ARHGEF10L: variants seen among roughly 807,000 people sequenced by gnomAD.
ARHGEF10L encodes Rho guanine nucleotide exchange factor 10 like, also known as rho guanine nucleotide exchange factor 10-like protein.
A neutral mutation model predicts 141.2 loss-of-function variants in ARHGEF10L; 69 were observed. The ratio of observed to expected loss-of-function variants is 0.49; its 90% confidence interval spans 0.40 to 0.60. The LOEUF (loss-of-function observed/expected upper bound fraction) is 0.60. ARHGEF10L is among the 20% of genes least tolerant of loss of function. The pLI, the probability that ARHGEF10L is intolerant of heterozygous loss-of-function variation, is 0.00. For synonymous variants in ARHGEF10L, 711 were observed against 718.5 expected, an observed-to-expected ratio of 0.99 and a Z score of 0.17; for missense variants, 1,482 against 1,734.3, an observed-to-expected ratio of 0.85 and a Z score of 2.58.
Position 17,673,503 on chromosome 1 carries a change from C to G in ARHGEF10L, c.3009+8908C>G, listed in dbSNP as rs1019564594. Among the ~76,000 whole-genome samples the G allele has an allele frequency of 6.6e-6, 1 of 152,162 alleles. No homozygotes were observed. The highest frequency in any genetic ancestry group is 1.9e-4 in the East Asian group (1 of 5,182). On this transcript the variant is annotated intron_variant, in intron 26 of 28. Transcript: ENST00000361221. The surrounding 1 kb of genome is among the most constrained non-coding windows in gnomAD (Gnocchi z 4.1). ...CCCTGGGTGTAATTAGGGAGGCTCCCTCCCTGGGTGGTTGGGAAGAATGAA... is the reference window on the plus strand; with the variant it reads ...CCCTGGGTGTAATTAGGGAGGCTCCGTCCCTGGGTGGTTGGGAAGAATGAA...
intron 21 of ARHGEF10L, among the ~76,000 whole-genome samples, chr1:17,647,755 G>C (rs933093162): frequency 1.3e-5 from 2 of 152,094 alleles, no homozygotes; most frequent in African/African-American, 4.8e-5. Flanking sequence ...CCTGAGAGAA[G>C]GGGCCACTGT....
At chr1:17,587,420 C>T (rs200929057) in intron 2 of ARHGEF10L, 40 bp from the exon 3 acceptor site, 67 of 1,590,144 alleles carry the variant, frequency 4.2e-5, no homozygotes, top group Non-Finnish European at 4.5e-5. Flanking sequence ...GACCAAACCT[C>T]GGAGATCCTG....
At chr1:17,596,205 CAG>C (rs1465101728) in intron 4 of ARHGEF10L, among the ~76,000 whole-genome samples, 2 of 152,366 alleles carry the variant, frequency 1.3e-5, no homozygotes, top group East Asian at 3.9e-4. Flanking sequence ...GCCGCCAAGC[CAG>C]ATGCTCTCTA....
intron 27 of ARHGEF10L, chr1:17,689,773 T>C (rs569191869): frequency 1.3e-5 from 6 of 455,632 alleles, no homozygotes; most frequent in South Asian, 7.8e-5. Flanking sequence ...AATGAAGAAA[T>C]GGATAATCTC....
chr1:17,690,761 C>T (rs2065042892), intron 27 of ARHGEF10L, among the ~76,000 whole-genome samples: 1 of 152,188 alleles, frequency 6.6e-6, no homozygotes, highest in Non-Finnish European at 1.5e-5. Context: ...GAGAGTGGCT[C>T]CCTGAGCTCC....
intron 4 of ARHGEF10L, among the ~76,000 whole-genome samples, chr1:17,590,239 C>T (rs1351304459): frequency 6.6e-6 from 1 of 152,126 alleles, no homozygotes; most frequent in Non-Finnish European, 1.5e-5. Context: ...TGGCTGGCTT[C>T]ATAGGAATGA....
intron 11 of ARHGEF10L, among the ~76,000 whole-genome samples, chr1:17,622,168 G>GTGAACA (rs2060143342): frequency 6.6e-6 from 1 of 152,148 alleles, no homozygotes; most frequent in Admixed American, 6.5e-5. Context: ...GGGATTCTTT[G>GTGAACA]AAATGACTCC....
intron 1 of ARHGEF10L, among the ~76,000 whole-genome samples, chr1:17,574,299 G>C (rs1029951205): frequency 6.6e-6 from 1 of 152,186 alleles, no homozygotes; most frequent in African/African-American, 2.4e-5. Context: ...AAAATGTTCA[G>C]TATGGGGCCC....
rs547391097 is a variant in ARHGEF10L, at chr1:17,651,395, G to T, written c.2394+2720G>T. Among the ~76,000 whole-genome samples, 5 of 152,312 alleles carry T rather than the reference G, an allele frequency of 3.3e-5. No homozygotes were observed. The East Asian group carries it at 9.7e-4, about 29-fold the overall frequency. ...GCGACCATGGAGTAGGGAGTATCAG[G>T]GCCCACTGTGCCTGCGGCCAGCTTG... On this transcript the variant is annotated intron_variant, in intron 22 of 28. Transcript: ENST00000361221.
intron 26 of ARHGEF10L, among the ~76,000 whole-genome samples, chr1:17,670,959 C>A (rs1466394653): frequency 3.3e-5 from 5 of 152,266 alleles, no homozygotes; most frequent in African/African-American, 7.2e-5. Context: ...ACCCTGACTG[C>A]TCCAGCCGAG....
At chr1:17,536,297 T>C (rs1045089821), upstream of ARHGEF10L, among the ~76,000 whole-genome samples, 4 of 152,062 alleles carry the variant, frequency 2.6e-5, no homozygotes, top group Non-Finnish European at 4.4e-5. Flanking sequence ...CTGGGCAACA[T>C]GGTGAAACCC....
At chr1:17,535,237 G>T (rs184351342), upstream of ARHGEF10L, among the ~76,000 whole-genome samples, 1 of 152,288 alleles carries the variant, frequency 6.6e-6, no homozygotes, top group Non-Finnish European at 1.5e-5. Flanking sequence ...GTTCACAACA[G>T]GGCTTGTGGT....
rs773647022 is a variant in ARHGEF10L at position 17,656,622 on chromosome 1, A to C, written c.2774A>C (p.Gln925Pro). 6.2e-7 allele frequency: 1 copy of C among 1,613,282 alleles called. No homozygotes were observed. The highest frequency in any genetic ancestry group is 8.5e-7 in the Non-Finnish European group (1 of 1,179,906). Reference sequence around the variant, plus strand: ...GTGAGCTGCAGGAGCCCAGGTCTGCAGCCTGTGCTCTGCCTGCGACACAGC... The same window carrying C: ...GTGAGCTGCAGGAGCCCAGGTCTGCCGCCTGTGCTCTGCCTGCGACACAGC... Reference protein sequence around the residue: ...CLVSCRSPGLQPVLCLRHSPF... With the variant: ...CLVSCRSPGLPPVLCLRHSPF... The change falls in exon 25 of 29, where the codon CAG becomes CCG. Residue 925 changes from glutamine (Q) to proline (P), a missense_variant. This residue lies in a region of ARHGEF10L where 858 missense variants were observed against 966.3 expected (regional missense o/e 0.89). Coordinates refer to ENST00000361221, the MANE Select transcript of ARHGEF10L (RefSeq NM_018125.4). This position sits in a 1 kb window ranked among gnomAD's most constrained non-coding sequence, Gnocchi z 4.9.
intron 1 of ARHGEF10L, among the ~76,000 whole-genome samples, chr1:17,553,544 G>A (rs2077192534): frequency 6.6e-6 from 1 of 152,138 alleles, no homozygotes; most frequent in African/African-American, 2.4e-5. Flanking sequence ...CACTTTGGGA[G>A]GCTGAGGTGG....
intron 4 of ARHGEF10L, among the ~76,000 whole-genome samples, chr1:17,601,152 T>C (rs942191017): frequency 6.6e-6 from 1 of 152,164 alleles, no homozygotes; most frequent in African/African-American, 2.4e-5. Context: ...CACTCCGATT[T>C]TGTCTGGTGT....
At chr1:17,629,741 G>C (rs955694476) in intron 15 of ARHGEF10L, among the ~76,000 whole-genome samples, 1 of 152,150 alleles carries the variant, frequency 6.6e-6, no homozygotes, top group African/African-American at 2.4e-5. Flanking sequence ...GGAATGTCTC[G>C]GGAGAAAAAG....
chr1:17,584,016 C>T (rs897876910), intron 2 of ARHGEF10L, among the ~76,000 whole-genome samples: 2 of 151,940 alleles, frequency 1.3e-5, no homozygotes, highest in African/African-American at 2.4e-5. Flanking sequence ...CACACCCAGC[C>T]GATTTTAAAA....
chr1:17,568,452 C>G (rs1176886346), intron 1 of ARHGEF10L, among the ~76,000 whole-genome samples: 1 of 152,260 alleles, frequency 6.6e-6, no homozygotes, highest in East Asian at 1.9e-4. Flanking sequence ...AAATCCCTAC[C>G]CAGGGCATGA....
intron 14 of ARHGEF10L, among the ~76,000 whole-genome samples, chr1:17,626,541 G>A (rs886708731): frequency 7.9e-5 from 12 of 152,152 alleles, no homozygotes; most frequent in Admixed American, 5.9e-4. Context: ...TGAGGGGTCC[G>A]GTGGCACATT....
Sources: allele counts gnomAD v4.1 joint callset (sites outside exome capture counted in the v4.1 genomes callset), GRCh38; gene constraint gnomAD v4.1.1; regional missense constraint gnomAD v4.1.1; non-coding constraint Gnocchi (gnomAD v3.1); transcripts MANE v1.5; gene names NCBI Gene and HGNC (gene_info 2026-07-23, HGNC 2026-07-21).